The following DNAH6 variants were observed in gnomAD, a reference collection of about 807,000 sequenced individuals.
DNAH6 encodes the protein axonemal beta dynein heavy chain 6.
In DNAH6, 340 loss-of-function variants were observed where a neutral mutation model predicts 491.4. That is an observed-to-expected ratio of 0.69 (90% CI 0.63 to 0.76). The LOEUF (loss-of-function observed/expected upper bound fraction) is 0.76. DNAH6 is among the 30% of genes least tolerant of loss of function. The pLI, the probability that DNAH6 is intolerant of heterozygous loss-of-function variation, is 0.00. For missense variants in DNAH6, 4,443 were observed against 4,972.2 expected (o/e 0.89, Z 3.20); for synonymous variants, 1,603 against 1,686.1 (o/e 0.95, Z 1.21).
intron 41 of DNAH6, among the ~76,000 whole-genome samples, chr2:84,678,713 A>G (rs917577337): frequency 2.0e-5 from 3 of 152,206 alleles, no homozygotes; most frequent in African/African-American, 7.2e-5. Context: ...AACATCATCC[A>G]GCAAGCACAT....
intron 62 of DNAH6, among the ~76,000 whole-genome samples, chr2:84,741,356 A>G (rs1436897805): frequency 6.6e-6 from 1 of 152,098 alleles, no homozygotes; most frequent in East Asian, 1.9e-4. Context: ...GTTCATTCAC[A>G]TCTGTCTCAC....
intron 64 of DNAH6, among the ~76,000 whole-genome samples, chr2:84,773,886 T>C (rs1675875416): frequency 6.6e-6 from 1 of 152,156 alleles, no homozygotes; most frequent in Admixed American, 6.5e-5. Context: ...ATGTCTTCTT[T>C]TGAGAAGTGT....
At chr2:84,655,045 C>T (rs548762213) in intron 35 of DNAH6, among the ~76,000 whole-genome samples, 1 of 152,058 alleles carries the variant, frequency 6.6e-6, no homozygotes, top group African/African-American at 2.4e-5. Context: ...TCTCCCCAGA[C>T]TAGAAACACA....
At chr2:84,511,876 C>T (rs1364801155), upstream of DNAH6, among the ~76,000 whole-genome samples, 1 of 152,004 alleles carries the variant, frequency 6.6e-6, no homozygotes, top group Non-Finnish European at 1.5e-5. Flanking sequence ...ATCATACTTA[C>T]CCATGGTGTA....
In DNAH6 at chr2:84,727,804, T is replaced by C. The variant is rs1337401425; in HGVS notation, c.10108T>C (p.Tyr3370His). ...ACTTTTTGAGCAACATAAACTCATC[T>C]ACAGCTTTATGCTTTGTGTTGAGAT... ...RGLFEQHKLIYSFMLCVEMMR... is the reference protein window; with the variant it reads ...RGLFEQHKLIHSFMLCVEMMR... The change falls in exon 61 of 77, where the codon TAC (tyrosine) becomes CAC (histidine). Residue 3370 changes from tyrosine (Y) to histidine (H), a missense_variant. Around this residue, in one of 3 missense-constraint regions of DNAH6, gnomAD observed 1,463 missense variants for 1,656.6 expected, o/e 0.88. Coordinates refer to ENST00000389394, the MANE Select transcript of DNAH6 (RefSeq NM_001370.2). The C allele has an allele frequency of 6.4e-7, 1 of 1,551,722 alleles. No individual in the cohort carries two copies. Among genetic ancestry groups the C allele is most frequent in the Non-Finnish European group, 8.7e-7 (1 of 1,146,838 alleles).
At chr2:84,811,013 G>T (rs1049883453) in intron 72 of DNAH6, among the ~76,000 whole-genome samples, 1 of 152,070 alleles carries the variant, frequency 6.6e-6, no homozygotes, top group Non-Finnish European at 1.5e-5. Context: ...CTATTTCCAG[G>T]TCTATCATGG....
At chr2:84,575,428 T>C (rs551407893) in intron 12 of DNAH6, among the ~76,000 whole-genome samples, 1 of 152,268 alleles carries the variant, frequency 6.6e-6, no homozygotes, top group Admixed American at 6.5e-5. Flanking sequence ...CTAAGTAATA[T>C]TTAGACATTT....
rs768887700 is a variant in DNAH6 at position 84,577,389 on chromosome 2, C to A, written c.2057C>A (p.Ser686Ter). ...TRLLREKLIP[S>*]PLRCLEVLNF... Reference sequence around the variant, plus strand: ...CTTCTAAGAGAAAAATTAATTCCATCACCTTTGCGATGCTTAGAGGTAACT... The same window carrying A: ...CTTCTAAGAGAAAAATTAATTCCATAACCTTTGCGATGCTTAGAGGTAACT... The change falls in exon 13 of 77, where the codon TCA becomes TAA. Residue 686 changes from serine (S) to a stop codon, truncating the protein, a stop_gained. Transcript: ENST00000389394. LOFTEE classifies it high-confidence loss of function. 2.5e-6 allele frequency: 4 copies of A among 1,605,804 alleles called. No individual in the cohort carries two copies. The Admixed American group carries it at 5.1e-5, about 20-fold the overall frequency.
At chr2:84,597,502 G>T (rs1684711862) in intron 18 of DNAH6, among the ~76,000 whole-genome samples, 2 of 152,208 alleles carry the variant, frequency 1.3e-5, no homozygotes, top group Non-Finnish European at 2.9e-5. Context: ...TCCACATGTT[G>T]CTGGTAGGAT....
At chr2:84,798,342 C>T (rs1345329188) in intron 70 of DNAH6, among the ~76,000 whole-genome samples, 1 of 152,160 alleles carries the variant, frequency 6.6e-6, no homozygotes, top group Admixed American at 6.5e-5. Context: ...CAGGGCACCA[C>T]GTTCCTGCCA....
intron 56 of DNAH6, among the ~76,000 whole-genome samples, chr2:84,711,575 AT>A (rs1242493951): frequency 6.6e-6 from 1 of 152,210 alleles, no homozygotes; most frequent in Non-Finnish European, 1.5e-5. Flanking sequence ...TCAGTATTTT[AT>A]GTATTTTAAC....
At chr2:84,652,124 G>T (rs983152120) in intron 33 of DNAH6, among the ~76,000 whole-genome samples, 3 of 151,864 alleles carry the variant, frequency 2.0e-5, no homozygotes, top group African/African-American at 7.3e-5. Context: ...CTTTGCACAC[G>T]TATGATATTT....
chr2:84,759,949 C>T (rs1055317996), intron 63 of DNAH6, among the ~76,000 whole-genome samples: 2 of 152,076 alleles, frequency 1.3e-5, no homozygotes, highest in Non-Finnish European at 2.9e-5. Context: ...AACAGCATGG[C>T]ACTGTTATAA....
At position 84,715,581 on chromosome 2, in the gene DNAH6, A is replaced by G. The variant is rs1301570175; in HGVS notation, c.9565A>G (p.Ile3189Val). Residue 3189 changes from isoleucine (I) to valine (V), a missense_variant, in exon 58 of 77, where the codon ATC becomes GTC. Ile to Val is a conservative substitution (Grantham distance 29). Around this residue, in one of 3 missense-constraint regions of DNAH6, gnomAD observed 1,463 missense variants for 1,656.6 expected, o/e 0.88. Transcript: ENST00000389394. ...CCAGGTATGCATTAAAGTTACCATT[A>G]TCAATTTCACTGTAACAAAATCAGG... ...LPEVCIKVTI[I>V]NFTVTKSGLE... The G allele has an allele frequency of 3.2e-6, 5 of 1,551,486 alleles. No homozygotes were observed. The highest frequency in any genetic ancestry group is 4.4e-6 in the Non-Finnish European group (5 of 1,146,944).
chr2:84,593,331 G>T (rs530224725), intron 16 of DNAH6, among the ~76,000 whole-genome samples: 1 of 152,084 alleles, frequency 6.6e-6, no homozygotes, highest in South Asian at 2.1e-4. Flanking sequence ...TAGAAGACAA[G>T]ACTAAATTCC....
the DNAH6 span, among the ~76,000 whole-genome samples, chr2:84,495,173 T>C: frequency 3.7e-4 from 56 of 152,206 alleles, no homozygotes; most frequent in African/African-American, 1.3e-3. Flanking sequence ...CCTTTGACCA[T>C]TTATTTATTG....
At chr2:84,664,127 C>G (rs542572495) in intron 37 of DNAH6, among the ~76,000 whole-genome samples, 1 of 152,266 alleles carries the variant, frequency 6.6e-6, no homozygotes, top group Admixed American at 6.5e-5. Context: ...ATAACCGGTA[C>G]CAGCCACTGC....
At chr2:84,714,177 C>G (rs1171316140) in intron 57 of DNAH6, among the ~76,000 whole-genome samples, 1 of 152,190 alleles carries the variant, frequency 6.6e-6, no homozygotes, top group Non-Finnish European at 1.5e-5. Flanking sequence ...TCTTCACCAC[C>G]ACAACCCTCC....
rs1443382452 is a variant in DNAH6 at position 84,600,833 on chromosome 2, A to G, written c.2869-3506A>G. Among the ~76,000 whole-genome samples, 5 of 151,732 alleles carry G rather than the reference A, an allele frequency of 3.3e-5. 1 individual carries two copies. Among genetic ancestry groups the G allele is most frequent in the African/African-American group, 1.2e-4 (5 of 41,314 alleles). ...ATTCTTTGAAAGGAAGTTACTACGCACAGCCATACTTAAGGGGTGGAAATT... is the reference window on the plus strand; with the variant it reads ...ATTCTTTGAAAGGAAGTTACTACGCGCAGCCATACTTAAGGGGTGGAAATT... On this transcript the variant is annotated intron_variant, in intron 18 of 76. Transcript: ENST00000389394.
Sources: allele counts gnomAD v4.1 joint callset (sites outside exome capture counted in the v4.1 genomes callset), GRCh38; gene constraint gnomAD v4.1.1; regional missense constraint gnomAD v4.1.1; transcripts MANE v1.5; gene names NCBI Gene and HGNC (gene_info 2026-07-23, HGNC 2026-07-21).